The following MYO18B variants were observed in gnomAD, a reference collection of about 807,000 sequenced individuals.
The protein encoded by MYO18B is unconventional myosin-XVIIIb.
MYO18B carries 204 observed loss-of-function variants against 273.0 expected under a neutral mutation model. The observed-to-expected ratio is 0.75, with a 90% CI of 0.67 to 0.84. MYO18B has a LOEUF of 0.84. Ranked by LOEUF, MYO18B falls within the 40% of genes least tolerant of loss-of-function variation. The probability of loss-of-function intolerance (pLI) is 0.00; values close to 1 mark genes in which losing one functional copy is unlikely to be tolerated. For synonymous variants in MYO18B, 1,330 were observed against 1,305.7 expected, an observed-to-expected ratio of 1.02 and a Z score of -0.40; for missense variants, 3,212 against 3,287.6, an observed-to-expected ratio of 0.98 and a Z score of 0.56.
intron 28 of MYO18B, chr22:25,897,240 G>C (rs2091827203): frequency 6.6e-6 from 1 of 152,202 alleles, no homozygotes; most frequent in Non-Finnish European, 1.5e-5. Context: ...GCCATAGGGT[G>C]GAGGTTATAT....
chr22:25,796,173 A>G (rs564732450), intron 11 of MYO18B, among the ~76,000 whole-genome samples: 59 of 152,260 alleles, frequency 3.9e-4, no homozygotes, highest in East Asian at 3.9e-4. Context: ...TGGTGTGTGC[A>G]TAGTAGCTTC....
intron 11 of MYO18B, among the ~76,000 whole-genome samples, chr22:25,787,825 A>G (rs2087468254): frequency 6.6e-6 from 1 of 152,170 alleles, no homozygotes; most frequent in Admixed American, 6.5e-5. Context: ...TGAGGAGCCC[A>G]GACCTCCACC....
intron 34 of MYO18B, among the ~76,000 whole-genome samples, chr22:25,929,074 A>G (rs2092461149): frequency 1.3e-5 from 2 of 150,484 alleles, no homozygotes; most frequent in African/African-American, 2.5e-5. Flanking sequence ...AGGCAGGAGA[A>G]TCGCTTGAAC....
intron 43 of MYO18B, among the ~76,000 whole-genome samples, chr22:26,028,836 C>T (rs1490612115): frequency 1.5e-4 from 21 of 143,948 alleles, no homozygotes; most frequent in African/African-American, 4.6e-4. Context: ...TGCAGTGAGC[C>T]GAGATCTCGC....
intron 40 of MYO18B, among the ~76,000 whole-genome samples, chr22:26,001,773 T>C (rs1284657690): frequency 1.3e-5 from 2 of 152,180 alleles, no homozygotes; most frequent in Non-Finnish European, 2.9e-5. Flanking sequence ...GGGTCTCTAG[T>C]GCTGGGGAAG....
chr22:25,780,162 C>G lies in MYO18B; in HGVS notation c.2175C>G (p.Phe725Leu), dbSNP rs2087078289. 6.2e-7 allele frequency: 1 copy of G among 1,607,178 alleles called. No homozygotes were observed. Among genetic ancestry groups the G allele is most frequent in the Non-Finnish European group, 8.5e-7 (1 of 1,177,706 alleles). Residue 725 changes from phenylalanine to leucine, a missense_variant, in exon 9 of 44, where the codon TTC becomes TTG. By Grantham distance (22) the Phe-to-Leu change is conservative. Transcript: ENST00000335473. ...TCTCCATGGTGATGTCGCTGGACTT[C>G]AACGCTACAGGCCGCATCACAGCTG... ...TRFSMVMSLD[F>L]NATGRITAAQ...
intron 17 of MYO18B, 75 bp from the exon 18 acceptor site, chr22:25,843,660 C>T (rs766278274): frequency 4.9e-5 from 72 of 1,476,740 alleles, no homozygotes; most frequent in South Asian, 1.3e-4. Context: ...GGATACTGTG[C>T]GTTTAAGGGA....
chr22:25,858,565 G>A (rs551555697), intron 21 of MYO18B, among the ~76,000 whole-genome samples: 2 of 152,230 alleles, frequency 1.3e-5, no homozygotes, highest in South Asian at 2.1e-4. Context: ...TATGCTTTTC[G>A]GGTACACTCT....
At chr22:25,835,539 A>G in intron 17 of MYO18B, 96 bp downstream of exon 17, 1 of 1,487,328 alleles carries the variant, frequency 6.7e-7, no homozygotes, top group Non-Finnish European at 9.2e-7. Context: ...CAAGGCCTGC[A>G]CAGAGGCTCC....
intron 12 of MYO18B, among the ~76,000 whole-genome samples, chr22:25,817,455 C>T (rs1378274293): frequency 7.1e-6 from 1 of 141,790 alleles, no homozygotes; most frequent in Non-Finnish European, 1.5e-5. Context: ...CTTTCCCCTT[C>T]CCTTCCCCTT....
intron 39 of MYO18B, among the ~76,000 whole-genome samples, chr22:25,976,717 A>G (rs1282109006): frequency 6.6e-6 from 1 of 152,102 alleles, no homozygotes; most frequent in Non-Finnish European, 1.5e-5. Context: ...ACCAGCACCA[A>G]TATCTCCATT....
intron 11 of MYO18B, among the ~76,000 whole-genome samples, chr22:25,786,755 A>G (rs1171817235): frequency 2.0e-5 from 3 of 152,240 alleles, no homozygotes; most frequent in Non-Finnish European, 4.4e-5. Flanking sequence ...CGACTGGGAG[A>G]AAATATTTGC....
chr22:26,029,172 G>C (rs1454807540), intron 43 of MYO18B, among the ~76,000 whole-genome samples: 1 of 152,174 alleles, frequency 6.6e-6, no homozygotes, highest in Non-Finnish European at 1.5e-5. Context: ...AGAGCTGTCT[G>C]ATAGCGTATG....
chr22:25,867,853 G>A (rs1025041341), intron 21 of MYO18B, among the ~76,000 whole-genome samples: 9 of 152,002 alleles, frequency 5.9e-5, no homozygotes, highest in Non-Finnish European at 8.8e-5. Context: ...GGATGGTCTC[G>A]ATCTCCTGAC....
intron 21 of MYO18B, among the ~76,000 whole-genome samples, chr22:25,867,870 A>G (rs980898631): frequency 6.6e-6 from 1 of 152,116 alleles, no homozygotes; most frequent in African/African-American, 2.4e-5. Context: ...TGACCTCGTG[A>G]TCCGCCCACC....
At chr22:26,057,887 G>A in the MYO18B span, among the ~76,000 whole-genome samples, 1 of 152,166 alleles carries the variant, frequency 6.6e-6, no homozygotes, top group Non-Finnish European at 1.5e-5. Context: ...ACACCTATCA[G>A]AGGGAGGGCA....
intron 39 of MYO18B, among the ~76,000 whole-genome samples, chr22:25,975,393 T>C (rs1356198805): frequency 6.6e-6 from 1 of 152,176 alleles, no homozygotes. Flanking sequence ...CCTAATATCA[T>C]ATAGTCTGAG....
intron 42 of MYO18B, among the ~76,000 whole-genome samples, chr22:26,005,728 C>T (rs528946918): frequency 1.8e-4 from 28 of 152,292 alleles, no homozygotes; most frequent in African/African-American, 6.0e-4. Context: ...CACAGACTCA[C>T]GGAGCAAACC....
intron 16 of MYO18B, among the ~76,000 whole-genome samples, chr22:25,833,943 C>T (rs1014111004): frequency 6.6e-6 from 1 of 152,172 alleles, no homozygotes; most frequent in African/African-American, 2.4e-5. Context: ...GCAAAGCCCT[C>T]TCCTGTGTAA....
Sources: allele counts gnomAD v4.1 joint callset (sites outside exome capture counted in the v4.1 genomes callset), GRCh38; gene constraint gnomAD v4.1.1; transcripts MANE v1.5; gene names NCBI Gene and HGNC (gene_info 2026-07-23, HGNC 2026-07-21).